Variants in KIF6 observed in about 807,000 individuals in gnomAD.
The protein encoded by KIF6 is kinesin-like protein KIF6.
In KIF6, 106 loss-of-function variants were observed where a neutral mutation model predicts 112.7. The ratio of observed to expected loss-of-function variants is 0.94; its 90% CI spans 0.80 to 1.11. The LOEUF (loss-of-function observed/expected upper bound fraction) is 1.11. Among genes scored for constraint, KIF6 ranks in the 50% least tolerant of loss-of-function variants. The pLI, the probability that KIF6 is intolerant of heterozygous loss-of-function variation, is 0.00. For missense variants in KIF6, 929 were observed against 964.0 expected, an observed-to-expected ratio of 0.96 and a Z score of 0.48; for synonymous variants, 339 against 339.9, an observed-to-expected ratio of 1.00 and a Z score of 0.03.
chr6:39,408,151 T>C (rs1769217286), intron 15 of KIF6, among the ~76,000 whole-genome samples: 2 of 152,110 alleles, frequency 1.3e-5, no homozygotes, highest in South Asian at 4.1e-4. Flanking sequence ...CTTAGGGAAA[T>C]GCAAATGAAA....
intron 3 of KIF6, among the ~76,000 whole-genome samples, chr6:39,652,790 A>T (rs1167987367): frequency 2.0e-5 from 3 of 152,216 alleles, no homozygotes; most frequent in Non-Finnish European, 2.9e-5. Context: ...GGTCACACTT[A>T]GTAAGTGATA....
At chr6:39,548,059 A>G (rs1227521310) in intron 10 of KIF6, among the ~76,000 whole-genome samples, 1 of 152,236 alleles carries the variant, frequency 6.6e-6, no homozygotes, top group East Asian at 1.9e-4. Flanking sequence ...GAGTGAAAGC[A>G]CTTTGTGATT....
intron 13 of KIF6, among the ~76,000 whole-genome samples, chr6:39,466,759 G>C (rs1392977642): frequency 1.3e-5 from 2 of 152,168 alleles, no homozygotes; most frequent in Non-Finnish European, 2.9e-5. Flanking sequence ...GGCCAGGCAA[G>C]AGCAAATGAG....
At chr6:39,446,361 C>T (rs1402938788) in intron 13 of KIF6, among the ~76,000 whole-genome samples, 1 of 152,166 alleles carries the variant, frequency 6.6e-6, no homozygotes, top group Non-Finnish European at 1.5e-5. Context: ...CCCCTCAGGC[C>T]ATGAGCCCCC....
chr6:39,583,620 T>A lies in KIF6; in HGVS notation c.1077+1278A>T, dbSNP rs191249468. On this transcript the variant is annotated intron_variant, in intron 9 of 22. Coordinates refer to ENST00000287152, the MANE Select transcript of KIF6 (RefSeq NM_145027.6). ...TATGGGTAACAATTAATTTGTTGGT[T>A]TTTTTTTGATTTGAGAAATTTATAA... 64 of 336,788 alleles carry A rather than the reference T, an allele frequency of 1.9e-4. No homozygotes were observed. The East Asian group carries it at 4.7e-3, about 25-fold the overall frequency. 20.9% of individuals were successfully genotyped at this position (336,788 alleles called of 1,614,324 possible).
intron 13 of KIF6, among the ~76,000 whole-genome samples, chr6:39,494,948 G>A (rs1775694111): frequency 6.6e-6 from 1 of 152,114 alleles, no homozygotes; most frequent in Non-Finnish European, 1.5e-5. Flanking sequence ...GTTTCACAGG[G>A]GAAGTGGGGA....
rs1763424909 is a variant in KIF6, at chr6:39,342,937, C to T, written c.2428+772G>A. 1 of 985,342 alleles carries T rather than the reference C, an allele frequency of 1.0e-6. No individual in the cohort carries two copies. The highest frequency in any genetic ancestry group is 1.1e-4 in the East Asian group (1 of 8,832). 61.0% of individuals were successfully genotyped at this position (985,342 alleles called of 1,614,324 possible). A position where few individuals can be genotyped will look rare whatever the true frequency, so the allele number is the denominator to read the frequency against. On this transcript the variant is annotated intron_variant, in intron 22 of 22. Transcript: ENST00000287152. The surrounding 1 kb of genome is among the most constrained non-coding windows in gnomAD (Gnocchi z 4.7). ...CATCGAATCTGCCAGCCCATACCATCACGGTGGGGGCGCCTTTCTGGCAAT... is the reference window on the plus strand; with the variant it reads ...CATCGAATCTGCCAGCCCATACCATTACGGTGGGGGCGCCTTTCTGGCAAT...
chr6:39,624,786 C>T (rs1323677170), intron 5 of KIF6, among the ~76,000 whole-genome samples: 4 of 151,744 alleles, frequency 2.6e-5, no homozygotes, highest in Non-Finnish European at 4.4e-5. Flanking sequence ...TCCAGATATA[C>T]GAGTGAAAAC....
At chr6:39,584,148 G>A (rs116401807) in intron 9 of KIF6, among the ~76,000 whole-genome samples, 3,421 of 151,690 alleles carry the variant, frequency 0.023, 127 homozygotes, top group African/African-American at 0.077. Flanking sequence ...TTGGCCCGGC[G>A]CGGTGGCTCA....
intron 2 of KIF6, among the ~76,000 whole-genome samples, chr6:39,719,897 C>T (rs746466107): frequency 6.6e-6 from 1 of 152,100 alleles, no homozygotes; most frequent in Admixed American, 6.5e-5. Context: ...GTGGGAGGAT[C>T]ACTGGAGCCC....
At chr6:39,447,401 C>A (rs562482793) in intron 13 of KIF6, among the ~76,000 whole-genome samples, 2 of 152,304 alleles carry the variant, frequency 1.3e-5, no homozygotes, top group African/African-American at 4.8e-5. Context: ...TTCCCTGAAC[C>A]CTTATCTCCT....
chr6:39,357,242 G>T, intron 19 of KIF6, 35 bp downstream of exon 19: 1 of 1,411,224 alleles, frequency 7.1e-7, no homozygotes, highest in African/African-American at 1.4e-5. Context: ...GCCTTTTCTG[G>T]GAACTCTAAC....
Position 39,357,335 on chromosome 6 carries a change from G to A in KIF6, c.2122C>T (p.Pro708Ser), listed in dbSNP as rs372001923. 1.9e-6 allele frequency: 3 copies of A among 1,614,040 alleles called. No homozygotes were observed. Among genetic ancestry groups the A allele is most frequent in the Non-Finnish European group, 2.5e-6 (3 of 1,179,908 alleles). The change falls in exon 19 of 23, where the codon CCA becomes TCA. Residue 708 changes from proline (P) to serine (S), a missense_variant. By Grantham distance (74) the Pro-to-Ser change is moderately conservative. Coordinates refer to ENST00000287152, the MANE Select transcript of KIF6 (RefSeq NM_145027.6). ...PAVNSLDHTKPFLQTSDSQHE... is the reference protein window; with the variant it reads ...PAVNSLDHTKSFLQTSDSQHE... ...TGGGAGTCAGATGTCTGGAGAAATGGCTTCGTGTGATCGAGTGAATTCACT... is the reference window on the plus strand; with the variant it reads ...TGGGAGTCAGATGTCTGGAGAAATGACTTCGTGTGATCGAGTGAATTCACT...
At position 39,649,774 on chromosome 6, in the gene KIF6, A is replaced by AAAGAAAGAAAGAAAGAAAGG. The variant is rs1554140924; in HGVS notation, c.252-10018_252-10017insCCTTTCTTTCTTTCTTTCTT. ...GAAAGAAAGAAAGAAAGAAAGAAAG[A>AAAGAAAGAAAGAAAGAAAGG]AAAGAAACTAAACTAAATATCAGCA... On this transcript the variant is annotated intron_variant, in intron 3 of 22. Transcript: ENST00000287152. Among the ~76,000 whole-genome samples, 98 of 98,214 alleles carry AAAGAAAGAAAGAAAGAAAGG rather than the reference A, an allele frequency of 1.0e-3. 3 individuals carry two copies. The highest frequency in any genetic ancestry group is 3.3e-3 in the African/African-American group (83 of 25,362). 64.4% of individuals were successfully genotyped at this position (98,214 alleles called of 152,430 possible). A position where few individuals can be genotyped will look rare whatever the true frequency, so the allele number is the denominator to read the frequency against.
intron 3 of KIF6, chr6:39,691,622 T>G (rs1788214954): frequency 6.6e-6 from 1 of 152,224 alleles, no homozygotes; most frequent in African/African-American, 2.4e-5. Context: ...GGTGATTCCA[T>G]TAATAAAAAG....
intron 16 of KIF6, among the ~76,000 whole-genome samples, chr6:39,364,026 T>A (rs1425457453): frequency 6.6e-6 from 1 of 152,098 alleles, no homozygotes; most frequent in African/African-American, 2.4e-5. Flanking sequence ...GTGTAGCATA[T>A]CTTTCTTCTT....
intron 13 of KIF6, among the ~76,000 whole-genome samples, chr6:39,433,840 A>G (rs1026067708): frequency 6.6e-6 from 1 of 152,212 alleles, no homozygotes; most frequent in African/African-American, 2.4e-5. Flanking sequence ...GTGTGAGCCC[A>G]GGTCCCAGCC....
At chr6:39,355,947 A>G (rs550302895) in intron 19 of KIF6, among the ~76,000 whole-genome samples, 1 of 151,992 alleles carries the variant, frequency 6.6e-6, no homozygotes, top group African/African-American at 2.4e-5. Context: ...CATTGTTATT[A>G]ACTAAAGGCC....
chr6:39,407,501 C>T (rs1486272495), intron 15 of KIF6, among the ~76,000 whole-genome samples: 1 of 152,264 alleles, frequency 6.6e-6, no homozygotes, highest in East Asian at 1.9e-4. Context: ...CTAGGTTCTG[C>T]TACATTCCAG....
Sources: allele counts gnomAD v4.1 joint callset (sites outside exome capture counted in the v4.1 genomes callset), GRCh38; gene constraint gnomAD v4.1.1; non-coding constraint Gnocchi (gnomAD v3.1); transcripts MANE v1.5; gene names NCBI Gene and HGNC (gene_info 2026-07-23, HGNC 2026-07-21).